The following DNAAF11 variants were observed in gnomAD, a reference collection of about 807,000 sequenced individuals.
DNAAF11 encodes leucine rich repeat containing 6.
In DNAAF11, 45 loss-of-function variants were observed where a neutral mutation model predicts 60.8. That is an observed-to-expected ratio of 0.74 (90% CI 0.58 to 0.95). The LOEUF is 0.95. Among genes scored for constraint, DNAAF11 ranks in the 40% least tolerant of loss-of-function variants. The pLI is 0.00. For synonymous variants in DNAAF11, 191 were observed against 183.5 expected (o/e 1.04, Z -0.33); for missense variants, 546 against 546.2 (o/e 1.00, Z 0.00).
chr8:132,599,678 G>T (rs1332938126), intron 10 of DNAAF11, among the ~76,000 whole-genome samples: 5 of 152,062 alleles, frequency 3.3e-5, no homozygotes, highest in Non-Finnish European at 5.9e-5. Context: ...AAAAACCACA[G>T]GATTATCTCA....
upstream of DNAAF11, chr8:132,675,571 T>G: frequency 7.1e-7 from 1 of 1,415,486 alleles, no homozygotes. Context: ...CCCCTGCTCC[T>G]CAGCGCGTCC....
At chr8:132,695,632 A>G in the DNAAF11 span, among the ~76,000 whole-genome samples, 328 of 152,254 alleles carry the variant, frequency 2.2e-3, no homozygotes, top group Non-Finnish European at 3.9e-3. Flanking sequence ...AGTATGAAAT[A>G]ATCACCCGGG....
In DNAAF11 at chr8:132,625,404, T is replaced by C; in HGVS notation, c.704A>G (p.His235Arg). ...ACTGTTGTCTAATTTCTTTGTGTTG[T>C]GTTCCTCTGTGTCTGGTGCCTGTAG... is the stretch of plus-strand genomic sequence containing the variant. ...DHLQAPDTEE[H>R]NTKKLDNSED... Residue 235 changes from histidine to arginine, a missense_variant, in exon 6 of 12, where the codon CAC becomes CGC. His to Arg is a conservative substitution (Grantham distance 29). Transcript: ENST00000620350. 1 of 1,613,574 alleles carries C rather than the reference T, an allele frequency of 6.2e-7. No homozygotes were observed.
At chr8:132,602,866 A>G (rs1426885709) in intron 10 of DNAAF11, among the ~76,000 whole-genome samples, 1 of 151,960 alleles carries the variant, frequency 6.6e-6, no homozygotes, top group African/African-American at 2.4e-5. Context: ...TTTGCCAGGC[A>G]TGTGTGGGTG....
the DNAAF11 span, among the ~76,000 whole-genome samples, chr8:132,690,480 T>C: frequency 6.6e-6 from 1 of 152,200 alleles, no homozygotes; most frequent in African/African-American, 2.4e-5. Context: ...CTTCCTTTGT[T>C]TATAAATTAC....
At chr8:132,579,758 G>A (rs1359699126) in intron 11 of DNAAF11, among the ~76,000 whole-genome samples, 4 of 152,164 alleles carry the variant, frequency 2.6e-5, no homozygotes, top group Non-Finnish European at 5.9e-5. Flanking sequence ...AATTTGGGAG[G>A]CTGCAGCGGG....
At position 132,674,077 on chromosome 8, in the gene DNAAF11, A is replaced by G. The variant is rs557152500; in HGVS notation, c.10+1407T>C. Among the ~76,000 whole-genome samples the G allele has an allele frequency of 7.3e-5, 11 of 149,822 alleles. No individual in the cohort carries two copies. The South Asian group carries it at 2.4e-3, about 32-fold the overall frequency. Reference sequence around the variant, plus strand: ...CAGGAGGAGGAGGAGCAGGAGGAGGAGGAGCAGGAGGAGGAGGAGCAGGAG... The same window carrying G: ...CAGGAGGAGGAGGAGCAGGAGGAGGGGGAGCAGGAGGAGGAGGAGCAGGAG... On this transcript the variant is annotated intron_variant, in intron 1 of 11. Transcript: ENST00000620350.
At chr8:132,617,834 G>A (rs1477473366) in intron 7 of DNAAF11, among the ~76,000 whole-genome samples, 2 of 150,930 alleles carry the variant, frequency 1.3e-5, no homozygotes, top group African/African-American at 4.9e-5. Flanking sequence ...ATGCTCATGG[G>A]TAGGAAGAAT....
chr8:132,637,137 T>C (rs1165450918), intron 4 of DNAAF11, among the ~76,000 whole-genome samples: 1 of 152,162 alleles, frequency 6.6e-6, no homozygotes, highest in African/African-American at 2.4e-5. Context: ...GGTATAAGAG[T>C]AACATACGCA....
At chr8:132,613,776 A>T (rs1447507002) in intron 8 of DNAAF11, among the ~76,000 whole-genome samples, 1 of 152,100 alleles carries the variant, frequency 6.6e-6, no homozygotes, top group African/African-American at 2.4e-5. Context: ...CTTTGACAAG[A>T]CTCACTCTTG....
chr8:132,589,281 T>A (rs916784478), intron 10 of DNAAF11, among the ~76,000 whole-genome samples: 4 of 152,076 alleles, frequency 2.6e-5, no homozygotes, highest in South Asian at 2.1e-4. Flanking sequence ...GCACGAAATA[T>A]GTGGCAGACT....
At chr8:132,662,949 T>G (rs1211847192) in intron 1 of DNAAF11, among the ~76,000 whole-genome samples, 1 of 152,238 alleles carries the variant, frequency 6.6e-6, no homozygotes, top group Non-Finnish European at 1.5e-5. Flanking sequence ...TGGAGTTAGC[T>G]AAACTCTCTG....
chr8:132,676,968 A>G (rs1250079869), upstream of DNAAF11, among the ~76,000 whole-genome samples: 1 of 152,232 alleles, frequency 6.6e-6, no homozygotes, highest in Non-Finnish European at 1.5e-5. Flanking sequence ...GGTGAACAGT[A>G]TTAGCTCTGG....
chr8:132,674,717 C>A (rs572056407), intron 1 of DNAAF11, among the ~76,000 whole-genome samples: 1 of 152,164 alleles, frequency 6.6e-6, no homozygotes, highest in Non-Finnish European at 1.5e-5. Flanking sequence ...GGCAAAACCC[C>A]GTCTCTACTA....
Position 132,571,782 on chromosome 8 carries a change from G to C in DNAAF11, c.*524C>G, listed in dbSNP as rs1310367805. On this transcript the variant is annotated 3_prime_UTR_variant, in exon 12 of 12. Coordinates refer to ENST00000620350, the MANE Select transcript of DNAAF11 (RefSeq NM_012472.6). ...CTGAAGGTCTTTACAAAGTGATTGA[G>C]CTGGAATCCAAATATAGAGTGTCTG... is the stretch of plus-strand genomic sequence containing the variant. 1.3e-5 allele frequency among the ~76,000 whole-genome samples: 2 copies of C among 152,196 alleles called. No individual in the cohort carries two copies. Among genetic ancestry groups the C allele is most frequent in the East Asian group, 3.9e-4 (2 of 5,194 alleles).
chr8:132,676,234 C>T (rs1825755557), upstream of DNAAF11, among the ~76,000 whole-genome samples: 1 of 152,050 alleles, frequency 6.6e-6, no homozygotes, highest in Non-Finnish European at 1.5e-5. Context: ...CTCCTACAGC[C>T]CCACACTCCC....
At chr8:132,633,065 T>TA in intron 4 of DNAAF11, 102 bp from the exon 5 acceptor site, 2 of 662,974 alleles carry the variant, frequency 3.0e-6, no homozygotes, top group South Asian at 3.8e-5. Context: ...CCGATAGTGA[T>TA]AGAGAATTAA....
intron 10 of DNAAF11, among the ~76,000 whole-genome samples, chr8:132,584,981 A>G (rs948816498): frequency 6.6e-6 from 1 of 152,328 alleles, no homozygotes; most frequent in South Asian, 2.1e-4. Flanking sequence ...TCTAAGCTTT[A>G]CTAGACAGAA....
At chr8:132,667,221 C>T (rs548397695) in intron 1 of DNAAF11, among the ~76,000 whole-genome samples, 1 of 152,316 alleles carries the variant, frequency 6.6e-6, no homozygotes, top group East Asian at 1.9e-4. Context: ...CCCCACCATT[C>T]TCTACCTGTT....
Sources: gnomAD v4.1 joint callset for allele counts (sites outside exome capture counted in the v4.1 genomes callset) on GRCh38, gnomAD v4.1.1 for gene constraint, MANE v1.5 for transcripts, NCBI Gene and HGNC (gene_info 2026-07-23, HGNC 2026-07-21) for gene names.